The following SPG11 variants were observed in gnomAD, a reference collection of about 807,000 sequenced individuals.
SPG11 encodes the protein SPG11 vesicle trafficking associated, spatacsin.
A neutral mutation model predicts 274.0 loss-of-function variants in SPG11; 222 were observed. That is an observed-to-expected ratio of 0.81 (90% CI 0.73 to 0.91). SPG11 has a LOEUF of 0.91. SPG11 is among the 40% of genes least tolerant of loss of function. SPG11 has a pLI of 0.00. For missense variants in SPG11, 3,114 were observed against 2,872.7 expected (o/e 1.08, Z -1.92); for synonymous variants, 1,144 against 1,039.7 (o/e 1.10, Z -1.93).
chr15:44,621,519 T>C (rs1462022770), intron 14 of SPG11: 2 of 477,522 alleles, frequency 4.2e-6, no homozygotes, highest in Non-Finnish European at 7.6e-6. Context: ...GAAGCTGGAA[T>C]GAAAACTCAG....
chr15:44,579,808 C>T (rs779788697), intron 30 of SPG11, among the ~76,000 whole-genome samples: 3 of 152,106 alleles, frequency 2.0e-5, no homozygotes, highest in Non-Finnish European at 4.4e-5. Flanking sequence ...CCATCAACAA[C>T]GGACTGCATA....
At position 44,619,423 on chromosome 15, in the gene SPG11, G is replaced by A. The variant is rs2083677613; in HGVS notation, c.2834+767C>T. Among the ~76,000 whole-genome samples, 3 of 152,216 alleles carry A rather than the reference G, an allele frequency of 2.0e-5. No homozygotes were observed. The South Asian group carries it at 6.2e-4, about 32-fold the overall frequency. On this transcript the variant is annotated intron_variant, in intron 15 of 39. Coordinates refer to ENST00000261866, the MANE Select transcript of SPG11 (RefSeq NM_025137.4). ...AAGTTCATATGGTTCAATTTAACAG[G>A]CTTTTCTAAATGAATTAAAGTTTAA...
chr15:44,656,019 G>C (rs2084929958), intron 4 of SPG11, among the ~76,000 whole-genome samples: 1 of 152,190 alleles, frequency 6.6e-6, no homozygotes, highest in Non-Finnish European at 1.5e-5. Context: ...ATAAAAAAGA[G>C]AGGAAATGGA....
chr15:44,661,159 C>G (rs183409933), intron 1 of SPG11, among the ~76,000 whole-genome samples: 15 of 152,266 alleles, frequency 9.9e-5, no homozygotes, highest in Admixed American at 7.8e-4. Flanking sequence ...CATGCAGCTA[C>G]TGAACACTTG....
intron 30 of SPG11, among the ~76,000 whole-genome samples, chr15:44,576,667 A>G (rs550151832): frequency 1.3e-5 from 2 of 152,076 alleles, no homozygotes; most frequent in East Asian, 3.9e-4. Context: ...AAGAGAAAGA[A>G]GGGGGTCTAT....
At chr15:44,652,428 G>C (rs1322516625) in intron 4 of SPG11, among the ~76,000 whole-genome samples, 162 bp from the exon 5 acceptor site, 1 of 152,186 alleles carries the variant, frequency 6.6e-6, no homozygotes, top group Admixed American at 6.5e-5. Context: ...CACAGTAATA[G>C]AGTGAACTCT....
intron 33 of SPG11, among the ~76,000 whole-genome samples, chr15:44,572,008 G>A (rs2082435045): frequency 1.3e-5 from 2 of 152,192 alleles, no homozygotes; most frequent in Non-Finnish European, 2.9e-5. Flanking sequence ...TGCCCAGATT[G>A]GTCTCAGACT....
intron 26 of SPG11, among the ~76,000 whole-genome samples, chr15:44,594,297 G>A (rs558287343): frequency 1.8e-4 from 27 of 151,812 alleles, no homozygotes; most frequent in South Asian, 6.2e-4. Context: ...GTGGTGGCAC[G>A]CGCCTGTAGT....
chr15:44,646,676 G>A (rs564438049), intron 7 of SPG11, among the ~76,000 whole-genome samples: 1 of 152,306 alleles, frequency 6.6e-6, no homozygotes, highest in Non-Finnish European at 1.5e-5. Context: ...GTCCTTTGCA[G>A]CAACACGGAT....
In SPG11 at chr15:44,660,479, C is replaced by G; in HGVS notation, c.395G>C (p.Ser132Thr). 1 of 1,614,100 alleles carries G rather than the reference C, an allele frequency of 6.2e-7. No homozygotes were observed. The highest frequency in any genetic ancestry group is 1.1e-5 in the South Asian group (1 of 91,084). The change falls in exon 2 of 40, where the codon AGC becomes ACC. Residue 132 changes from serine to threonine, a missense_variant. By Grantham distance (58) the Ser-to-Thr change is moderately conservative. Coordinates refer to ENST00000261866, the MANE Select transcript of SPG11 (RefSeq NM_025137.4). ...DGRCDATILY[S>T]CSREALQKLI... The stretch of plus-strand genomic sequence containing the variant: ...CTTTTGCAATGCCTCCCTACTACAG[C>G]TATACAAAATGGTTGCATCACATCT...
At chr15:44,645,691 GAC>G (rs778238616) in intron 7 of SPG11, among the ~76,000 whole-genome samples, 1 of 152,108 alleles carries the variant, frequency 6.6e-6, no homozygotes, top group Non-Finnish European at 1.5e-5. Flanking sequence ...TACAGAATAA[GAC>G]AAAATATTTG....
At chr15:44,567,668 G>T in intron 35 of SPG11, 76 bp from the exon 36 acceptor site, 1 of 1,494,716 alleles carries the variant, frequency 6.7e-7, no homozygotes, top group Non-Finnish European at 9.3e-7. Flanking sequence ...GAGTCACCTT[G>T]TTCTGCATTC....
intron 30 of SPG11, among the ~76,000 whole-genome samples, chr15:44,578,826 T>C (rs538848275): frequency 3.9e-5 from 6 of 152,308 alleles, no homozygotes; most frequent in African/African-American, 1.4e-4. Flanking sequence ...AGATCCACAG[T>C]CTCAAATAGT....
chr15:44,654,006 T>C (rs2084862545), intron 4 of SPG11, among the ~76,000 whole-genome samples: 1 of 152,066 alleles, frequency 6.6e-6, no homozygotes, highest in African/African-American at 2.4e-5. Context: ...CAGGCTGGAG[T>C]GCAGTGGTGC....
chr15:44,592,984 CAAA>C (rs966388849), intron 26 of SPG11, among the ~76,000 whole-genome samples: 4 of 117,368 alleles, frequency 3.4e-5, no homozygotes, highest in Admixed American at 1.7e-4. Flanking sequence ...GACTCTGCCT[CAAA>C]AAAAAAAAAA....
At chr15:44,569,810 G>A (rs1302461974) in intron 34 of SPG11, among the ~76,000 whole-genome samples, 5 of 151,050 alleles carry the variant, frequency 3.3e-5, no homozygotes, top group Non-Finnish European at 5.9e-5. Flanking sequence ...TCCGCCTCCC[G>A]GGTTCAAGCA....
At chr15:44,569,554 T>G (rs750765467) in intron 34 of SPG11, 49 bp from the exon 35 acceptor site, 2 of 1,398,484 alleles carry the variant, frequency 1.4e-6, no homozygotes, top group South Asian at 2.5e-5. Context: ...GAGTCTGGAG[T>G]TCTCTGAGCC....
chr15:44,656,364 G>C (rs982636446), intron 4 of SPG11, among the ~76,000 whole-genome samples: 1 of 152,202 alleles, frequency 6.6e-6, no homozygotes, highest in Non-Finnish European at 1.5e-5. Flanking sequence ...TTGAAATTTT[G>C]CCAGACCAAG....
At chr15:44,596,396 C>G (rs1276542427) in intron 24 of SPG11, 41 bp from the exon 25 acceptor site, 2 of 1,610,278 alleles carry the variant, frequency 1.2e-6, no homozygotes, top group South Asian at 1.1e-5. Context: ...ACCCAACTTT[C>G]AGTTTCAGCT....
Sources: gnomAD v4.1 joint callset for allele counts (sites outside exome capture counted in the v4.1 genomes callset) on GRCh38, gnomAD v4.1.1 for gene constraint, MANE v1.5 for transcripts, NCBI Gene and HGNC (gene_info 2026-07-23, HGNC 2026-07-21) for gene names.